The following NR3C2 variants were observed in gnomAD, a reference collection of about 807,000 sequenced individuals.
The protein encoded by NR3C2 is mineralocorticoid receptor.
In NR3C2, 15 loss-of-function variants were observed where a neutral mutation model predicts 86.4. The ratio of observed to expected loss-of-function variants is 0.17; its 90% CI spans 0.12 to 0.27. NR3C2 has a LOEUF of 0.27. Ranked by LOEUF, NR3C2 falls within the 10% of genes least tolerant of loss-of-function variation. NR3C2 has a pLI of 1.00. For synonymous variants in NR3C2, 458 were observed against 450.5 expected, an observed-to-expected ratio of 1.02 and a Z score of -0.21; for missense variants, 960 against 1,195.6, an observed-to-expected ratio of 0.80 and a Z score of 2.91.
intron 2 of NR3C2, among the ~76,000 whole-genome samples, chr4:148,365,105 A>T (rs1435671271): frequency 6.6e-6 from 1 of 152,206 alleles, no homozygotes; most frequent in Non-Finnish European, 1.5e-5. Flanking sequence ...CCAATAAGCA[A>T]TCCTTTTCTT....
At chr4:148,440,081 A>G (rs1158621009) in intron 1 of NR3C2, among the ~76,000 whole-genome samples, 1 of 152,272 alleles carries the variant, frequency 6.6e-6, no homozygotes, top group African/African-American at 2.4e-5. Flanking sequence ...AGGTATTCTC[A>G]TCTACCAACC....
In NR3C2 at chr4:148,435,184, T is replaced by C; in HGVS notation, c.1677A>G (p.Ser559=). The change falls in exon 2 of 9, where the codon TCA becomes TCG. Residue 559 remains serine (S), a synonymous_variant. Transcript: ENST00000358102. ...SFPPVNTLVE[S]WKSHGDLSSR... ...ACGACAGGTCGCCGTGTGATTTCCA[T>C]GACTCCACTAAAGTATTGACAGGAG... is the stretch of plus-strand genomic sequence containing the variant. 6.2e-7 allele frequency: 1 copy of C among 1,614,190 alleles called. No individual in the cohort carries two copies.
intron 3 of NR3C2, among the ~76,000 whole-genome samples, chr4:148,234,697 AAAG>A (rs1738657465): frequency 6.6e-6 from 1 of 150,902 alleles, no homozygotes; most frequent in Non-Finnish European, 1.5e-5. Flanking sequence ...AAAAAAAAAA[AAAG>A]GAGGGAGGGA....
At chr4:148,092,128 C>G (rs1731087571) in intron 8 of NR3C2, among the ~76,000 whole-genome samples, 1 of 152,194 alleles carries the variant, frequency 6.6e-6, no homozygotes, top group South Asian at 2.1e-4. Context: ...ATGTCATGCT[C>G]GTGGGCAGCA....
rs1252833805 is a variant in NR3C2, at chr4:148,183,249, CT to C, written c.2014+11496del. ...ATGGACATTTGGGTTGGTTCCAAGTCTTTGCTATTGTGAATAGTGCCGCAAT... is the reference window on the plus strand; with the variant it reads ...ATGGACATTTGGGTTGGTTCCAAGTCTTGCTATTGTGAATAGTGCCGCAAT... On this transcript the variant is annotated intron_variant, in intron 4 of 8. Coordinates refer to ENST00000358102, the MANE Select transcript of NR3C2 (RefSeq NM_000901.5). Among the ~76,000 whole-genome samples the C allele has an allele frequency of 3.9e-5, 6 of 152,190 alleles. No homozygotes were observed. The East Asian group carries it at 1.2e-3, about 29-fold the overall frequency.
At chr4:148,365,812 T>A (rs1307168007) in intron 2 of NR3C2, among the ~76,000 whole-genome samples, 2 of 152,292 alleles carry the variant, frequency 1.3e-5, no homozygotes, top group South Asian at 4.1e-4. Flanking sequence ...TTCAATCAGA[T>A]ATTAGTGAAA....
At chr4:148,211,613 A>G (rs771632004) in intron 3 of NR3C2, among the ~76,000 whole-genome samples, 1 of 152,230 alleles carries the variant, frequency 6.6e-6, no homozygotes, top group Non-Finnish European at 1.5e-5. Context: ...GCGTCACTGG[A>G]AGAATATTAA....
At chr4:148,423,866 G>A (rs890452310) in intron 2 of NR3C2, among the ~76,000 whole-genome samples, 3 of 152,038 alleles carry the variant, frequency 2.0e-5, no homozygotes, top group Non-Finnish European at 4.4e-5. Context: ...ACGCCACTAC[G>A]CCTGGCTAAT....
intron 3 of NR3C2, among the ~76,000 whole-genome samples, chr4:148,223,277 C>T (rs186940562): frequency 6.6e-6 from 1 of 152,210 alleles, no homozygotes; most frequent in Admixed American, 6.5e-5. Context: ...CCCTACTTCT[C>T]CGCTTACAGC....
At chr4:148,186,988 GTATGTA>G (rs1466295877) in intron 4 of NR3C2, among the ~76,000 whole-genome samples, 6 of 13,702 alleles carry the variant, frequency 4.4e-4, no homozygotes, top group Admixed American at 8.5e-4. Context: ...ACTGATGTGT[GTATGTA>G]TGTATATATA....
intron 2 of NR3C2, among the ~76,000 whole-genome samples, chr4:148,397,544 T>G (rs1747923961): frequency 6.6e-6 from 1 of 152,170 alleles, no homozygotes; most frequent in African/African-American, 2.4e-5. Flanking sequence ...ACACACAAAG[T>G]AACAAAAAGT....
chr4:148,078,784 T>C lies in NR3C2; in HGVS notation c.*2560A>G, dbSNP rs1730406720. 2.0e-5 allele frequency: 3 copies of C among 152,670 alleles called. No homozygotes were observed. Among genetic ancestry groups the C allele is most frequent in the Admixed American group, 2.0e-4 (3 of 15,288 alleles). 9.5% of individuals were successfully genotyped at this position (152,670 alleles called of 1,614,324 possible). A position where few individuals can be genotyped will look rare whatever the true frequency, so the allele number is the denominator to read the frequency against. ...ACAGGTGATTAAAGTAAAGGATTTA[T>C]TGTAATCTGCTTACAGTCCTTTGCA... On this transcript the variant is annotated 3_prime_UTR_variant, in exon 9 of 9. Coordinates refer to ENST00000358102, the MANE Select transcript of NR3C2 (RefSeq NM_000901.5).
intron 3 of NR3C2, among the ~76,000 whole-genome samples, chr4:148,230,564 A>G (rs944875905): frequency 4.6e-5 from 7 of 152,166 alleles, no homozygotes; most frequent in African/African-American, 1.7e-4. Flanking sequence ...TCCCTCTGAA[A>G]TTGCAATTAT....
chr4:148,354,159 T>C (rs574549409), intron 2 of NR3C2, among the ~76,000 whole-genome samples: 1 of 152,236 alleles, frequency 6.6e-6, no homozygotes, highest in Admixed American at 6.5e-5. Context: ...CTCAGCCTGC[T>C]TGACATGAAG....
At chr4:148,443,130 T>A (rs1196926255), upstream of NR3C2, among the ~76,000 whole-genome samples, 46 of 145,104 alleles carry the variant, frequency 3.2e-4, no homozygotes, top group Admixed American at 3.4e-3. Context: ...AGCAAGACGA[T>A]CACGTTCACT....
rs1330903694 is a variant in NR3C2, at chr4:148,436,527, C to G, written c.334G>C (p.Val112Leu). 3.1e-6 allele frequency: 5 copies of G among 1,614,202 alleles called. No individual in the cohort carries two copies. In the Admixed American group the frequency reaches 8.3e-5, roughly 27 times the overall value. The change falls in exon 2 of 9, where the codon GTA becomes CTA. Residue 112 changes from valine (V) to leucine (L), a missense_variant. By Grantham distance (32) the Val-to-Leu change is conservative. Coordinates refer to ENST00000358102, the MANE Select transcript of NR3C2 (RefSeq NM_000901.5). ...AESMGLYMDS[V>L]RDADYSYEQQ... ...TCATAGGAATAGTCAGCATCTCTTA[C>G]AGAATCCATATATAAACCCATGGAC... is the stretch of plus-strand genomic sequence containing the variant.
chr4:148,391,682 C>T (rs1212732038), intron 2 of NR3C2, among the ~76,000 whole-genome samples: 1 of 151,998 alleles, frequency 6.6e-6, no homozygotes, highest in Non-Finnish European at 1.5e-5. Context: ...GCCTGGCCAA[C>T]ATGGTGAAAC....
intron 2 of NR3C2, among the ~76,000 whole-genome samples, chr4:148,311,896 T>C (rs1189792964): frequency 6.6e-6 from 1 of 152,204 alleles, no homozygotes; most frequent in Non-Finnish European, 1.5e-5. Context: ...CCCCCAGAAG[T>C]TGTACAACTA....
chr4:148,291,841 C>A (rs1741809819), intron 2 of NR3C2, among the ~76,000 whole-genome samples: 1 of 152,100 alleles, frequency 6.6e-6, no homozygotes, highest in African/African-American at 2.4e-5. Flanking sequence ...TGCATCAAAC[C>A]TACTGAACAT....
Sources: gnomAD v4.1 joint callset for allele counts (sites outside exome capture counted in the v4.1 genomes callset) on GRCh38, gnomAD v4.1.1 for gene constraint, MANE v1.5 for transcripts, NCBI Gene and HGNC (gene_info 2026-07-23, HGNC 2026-07-21) for gene names.